NT5C2: variants seen among roughly 807,000 people sequenced by gnomAD.
The protein encoded by NT5C2 is cytosolic purine 5'-nucleotidase.
Under a neutral mutation model 76.1 loss-of-function variants are expected in NT5C2, and 58 were observed. The observed-to-expected ratio is 0.76, with a 90% CI of 0.62 to 0.95. The LOEUF (loss-of-function observed/expected upper bound fraction) is 0.95, where lower values mean the gene tolerates loss of function less well. Ranked by LOEUF, NT5C2 falls within the 40% of genes least tolerant of loss-of-function variation. The pLI, the probability that NT5C2 is intolerant of heterozygous loss-of-function variation, is 0.00. For synonymous variants in NT5C2, 229 were observed against 237.4 expected, an observed-to-expected ratio of 0.96 and a Z score of 0.32; for missense variants, 478 against 690.3, an observed-to-expected ratio of 0.69 and a Z score of 3.45.
At chr10:103,126,301 G>C (rs1325502470) in intron 4 of NT5C2, among the ~76,000 whole-genome samples, 3 of 152,182 alleles carry the variant, frequency 2.0e-5, no homozygotes, top group African/African-American at 7.2e-5. Flanking sequence ...AAGAGGAATT[G>C]TAAATAGGCT....
chr10:103,090,122 A>T (rs1351030776), intron 18 of NT5C2: 2 of 447,052 alleles, frequency 4.5e-6, no homozygotes, highest in Non-Finnish European at 3.9e-6. Flanking sequence ...TGTCTACTGC[A>T]GCTGGAAATT....
At chr10:103,158,133 A>G (rs1036348888) in intron 3 of NT5C2, among the ~76,000 whole-genome samples, 1 of 151,888 alleles carries the variant, frequency 6.6e-6, no homozygotes, top group African/African-American at 2.4e-5. Context: ...TAAACAACAC[A>G]CTCCTAAATA....
At chr10:103,093,835 T>C in intron 14 of NT5C2, 137 bp downstream of exon 14, 1 of 636,850 alleles carries the variant, frequency 1.6e-6, no homozygotes, top group Non-Finnish European at 2.8e-6. Context: ...CATTAAGAGG[T>C]GACTAAACTA....
At chr10:103,165,449 C>T (rs1176164577) in intron 3 of NT5C2, among the ~76,000 whole-genome samples, 2 of 151,824 alleles carry the variant, frequency 1.3e-5, no homozygotes, top group Middle Eastern at 3.4e-3. Flanking sequence ...GCCAACATCA[C>T]GCCATTGCAC....
intron 4 of NT5C2, among the ~76,000 whole-genome samples, chr10:103,131,978 T>C (rs372368306): frequency 2.6e-5 from 4 of 151,612 alleles, no homozygotes; most frequent in East Asian, 3.9e-4. Flanking sequence ...TGGTGGCTCA[T>C]GCCTGTAATC....
At chr10:103,113,027 A>T (rs2073436072) in intron 4 of NT5C2, among the ~76,000 whole-genome samples, 2 of 152,216 alleles carry the variant, frequency 1.3e-5, no homozygotes, top group Admixed American at 6.5e-5. Context: ...CTAACCTAAG[A>T]GATCACAAAT....
chr10:103,145,950 T>A (rs1338443076), intron 3 of NT5C2: 1 of 465,810 alleles, frequency 2.1e-6, no homozygotes, highest in Non-Finnish European at 2.8e-6. Flanking sequence ...TTAAGTAACA[T>A]GAACATGCAA....
chr10:103,168,781 GGAAGTTA>G (rs1328252964), intron 3 of NT5C2, among the ~76,000 whole-genome samples: 1 of 152,094 alleles, frequency 6.6e-6, no homozygotes, highest in African/African-American at 2.4e-5. Flanking sequence ...GAAAAAAGCT[GGAAGTTA>G]GATATTTATT....
At chr10:103,118,874 G>C (rs2075034838) in intron 4 of NT5C2, among the ~76,000 whole-genome samples, 1 of 150,848 alleles carries the variant, frequency 6.6e-6, no homozygotes, top group African/African-American at 2.4e-5. Context: ...TGTTACCCTA[G>C]TTTAAATACT....
chr10:103,191,085 CT>C (rs1389487494), intron 1 of NT5C2, among the ~76,000 whole-genome samples: 1 of 152,174 alleles, frequency 6.6e-6, no homozygotes, highest in Non-Finnish European at 1.5e-5. Context: ...CTGAATTAAG[CT>C]TTTGGTAAGA....
intron 17 of NT5C2, 72 bp downstream of exon 17, chr10:103,090,864 T>TAATA (rs72105152): frequency 1.9e-6 from 3 of 1,595,990 alleles, no homozygotes; most frequent in Non-Finnish European, 2.6e-6. Context: ...CTAGTCTCTA[T>TAATA]AATAAATCAG....
intron 3 of NT5C2, among the ~76,000 whole-genome samples, chr10:103,142,517 A>C (rs1365800808): frequency 1.1e-4 from 16 of 151,884 alleles, no homozygotes; most frequent in Non-Finnish European, 2.2e-4. Context: ...CAAAAAATAC[A>C]AAAAAAAGCT....
At chr10:103,097,482 T>C in intron 10 of NT5C2, 108 bp from the exon 11 acceptor site, 1 of 871,120 alleles carries the variant, frequency 1.1e-6, no homozygotes. Context: ...GGGAACCTTT[T>C]AAGGGTTAGC....
chr10:103,092,732 G>C (rs549889505), intron 15 of NT5C2, among the ~76,000 whole-genome samples: 4 of 152,234 alleles, frequency 2.6e-5, no homozygotes, highest in East Asian at 3.9e-4. Flanking sequence ...AAATACCAGA[G>C]GTGATTAACA....
chr10:103,174,970 T>G lies in NT5C2; in HGVS notation c.-12A>C. On this transcript the variant is annotated 5_prime_UTR_variant, in exon 3 of 19. Transcript: ENST00000404739. ...CAGGAGGTTGACATTTTATTTTAACTGTATTTTGTATTCTAGAAAAGAAAA... is the reference window on the plus strand; with the variant it reads ...CAGGAGGTTGACATTTTATTTTAACGGTATTTTGTATTCTAGAAAAGAAAA... 5 of 1,516,220 alleles carry G rather than the reference T, an allele frequency of 3.3e-6. No individual in the cohort carries two copies. Among genetic ancestry groups the G allele is most frequent in the Non-Finnish European group, 4.6e-6 (5 of 1,091,230 alleles). The allele number at this position is 1,516,220 out of a possible 1,614,324, so 93.9% of individuals were successfully genotyped here. A position where few individuals can be genotyped will look rare whatever the true frequency, so the allele number is the denominator to read the frequency against.
rs1190668030 is a variant in NT5C2, at chr10:103,099,055, A to G, written c.634-71T>C. ...TTTTAACATGTAGTTTATAAGAAAA[A>G]TGGTTTTTACTAATCAACCCAAATC... On this transcript the variant is annotated intron_variant, in intron 9 of 18. Coordinates refer to ENST00000404739, the MANE Select transcript of NT5C2 (RefSeq NM_001351169.2). The G allele has an allele frequency of 3.8e-6, 5 of 1,304,164 alleles. No homozygotes were observed. The Admixed American group carries it at 1.0e-4, about 27-fold the overall frequency. 80.8% of individuals were successfully genotyped at this position (1,304,164 alleles called of 1,614,324 possible). A position where few individuals can be genotyped will look rare whatever the true frequency, so the allele number is the denominator to read the frequency against.
chr10:103,164,663 A>G (rs919546965), intron 3 of NT5C2, among the ~76,000 whole-genome samples: 2 of 152,232 alleles, frequency 1.3e-5, no homozygotes, highest in African/African-American at 4.8e-5. Context: ...ACAGTAATTA[A>G]AAAGAACAAA....
intron 4 of NT5C2, among the ~76,000 whole-genome samples, chr10:103,135,012 G>A (rs2078917508): frequency 6.6e-6 from 1 of 152,228 alleles, no homozygotes; most frequent in Non-Finnish European, 1.5e-5. Context: ...TATCCCCATT[G>A]TATGTAAGAA....
Position 103,095,973 on chromosome 10 carries a change from A to AT in NT5C2, c.778dup (p.Met260AsnfsTer6). On this transcript the variant is annotated frameshift_variant, in exon 12 of 19. Transcript: ENST00000404739. LOFTEE classifies it high-confidence loss of function. ...ATGTGGGAAGTCAAACAGGTAAGTC[A>AT]TAATTTTCTGGAAAAAAAAATTTAA... 6.2e-7 allele frequency: 1 copy of AT among 1,613,650 alleles called. No homozygotes were observed. Among genetic ancestry groups the AT allele is most frequent in the African/African-American group, 1.3e-5 (1 of 75,036 alleles).
Sources: gnomAD v4.1 joint callset for allele counts (sites outside exome capture counted in the v4.1 genomes callset) on GRCh38, gnomAD v4.1.1 for gene constraint, MANE v1.5 for transcripts, NCBI Gene and HGNC (gene_info 2026-07-23, HGNC 2026-07-21) for gene names.